The following ABCC4 variants were observed in gnomAD, a reference collection of about 807,000 sequenced individuals.
ABCC4 encodes the protein ATP binding cassette subfamily C member 4 (PEL blood group).
ABCC4 carries 102 observed loss-of-function variants against 168.5 expected under a neutral mutation model. The ratio of observed to expected loss-of-function variants is 0.61; its 90% CI spans 0.52 to 0.71. The LOEUF (loss-of-function observed/expected upper bound fraction) is 0.71. Among genes scored for constraint, ABCC4 ranks in the 30% least tolerant of loss-of-function variants. ABCC4 has a pLI of 0.00. For synonymous variants in ABCC4, 617 were observed against 590.7 expected, an observed-to-expected ratio of 1.04 and a Z score of -0.65; for missense variants, 1,402 against 1,605.8, an observed-to-expected ratio of 0.87 and a Z score of 2.17.
In ABCC4 at chr13:95,149,365, C is replaced by T. The variant is rs796932821; in HGVS notation, c.2455+11824G>A. On this transcript the variant is annotated intron_variant, in intron 19 of 30. Coordinates refer to ENST00000645237, the MANE Select transcript of ABCC4 (RefSeq NM_005845.5). Reference sequence around the variant, plus strand: ...AGAACTTATTAAACTATACTTGACTCCCTTTTCATTTTCATGCTAAGTAAT... The same window carrying T: ...AGAACTTATTAAACTATACTTGACTTCCTTTTCATTTTCATGCTAAGTAAT... 4.6e-5 allele frequency among the ~76,000 whole-genome samples: 7 copies of T among 152,216 alleles called. No homozygotes were observed. In the South Asian group the frequency reaches 1.5e-3, roughly 32 times the overall value.
chr13:95,179,696 A>G (rs940745990), intron 11 of ABCC4, among the ~76,000 whole-genome samples: 1 of 152,182 alleles, frequency 6.6e-6, no homozygotes, highest in African/African-American at 2.4e-5. Flanking sequence ...ACTGAGCTGC[A>G]TAAGCATCAA....
At chr13:95,217,754 C>CA (rs1441761127) in intron 4 of ABCC4, among the ~76,000 whole-genome samples, 4 of 152,014 alleles carry the variant, frequency 2.6e-5, no homozygotes, top group African/African-American at 9.7e-5. Context: ...ATAAATAAAA[C>CA]AAAAGATGCA....
At chr13:95,153,078 C>A (rs752581094) in intron 19 of ABCC4, among the ~76,000 whole-genome samples, 2 of 152,114 alleles carry the variant, frequency 1.3e-5, no homozygotes, top group African/African-American at 2.4e-5. Context: ...AATGGAATAT[C>A]ATTAGGTTAT....
At chr13:95,056,464 C>T (rs1024132538) in intron 26 of ABCC4, among the ~76,000 whole-genome samples, 2 of 152,078 alleles carry the variant, frequency 1.3e-5, no homozygotes, top group African/African-American at 2.4e-5. Flanking sequence ...GAATTTAAGT[C>T]GTGTAAAGTC....
chr13:95,071,903 A>G, intron 24 of ABCC4, 50 bp from the exon 25 acceptor site: 2 of 1,308,326 alleles, frequency 1.5e-6, no homozygotes, highest in African/African-American at 3.0e-5. Context: ...GGTGTCATTT[A>G]TGGATGTTAA....
intron 29 of ABCC4, among the ~76,000 whole-genome samples, chr13:95,040,827 C>T (rs1470563625): frequency 6.6e-6 from 1 of 152,192 alleles, no homozygotes; most frequent in Non-Finnish European, 1.5e-5. Flanking sequence ...GAAAGATATA[C>T]ATTATACACC....
intron 19 of ABCC4, among the ~76,000 whole-genome samples, chr13:95,148,608 A>G (rs1051324831): frequency 1.1e-4 from 16 of 150,394 alleles, no homozygotes; most frequent in African/African-American, 3.6e-4. Context: ...ACACACACAC[A>G]CACACACACA....
intron 1 of ABCC4, among the ~76,000 whole-genome samples, chr13:95,294,662 CAT>C (rs2138961905): frequency 6.6e-6 from 1 of 152,274 alleles, no homozygotes; most frequent in African/African-American, 2.4e-5. Flanking sequence ...GGGTAGAAAA[CAT>C]AGTCCAGGCT....
At chr13:95,164,641 G>C in intron 15 of ABCC4, 123 bp from the exon 16 acceptor site, 9 of 938,852 alleles carry the variant, frequency 9.6e-6, no homozygotes, top group African/African-American at 1.7e-5. Context: ...TCCATCTCCT[G>C]TGGAGAAGGG....
At chr13:95,155,212 CTTT>C (rs532277887) in intron 19 of ABCC4, among the ~76,000 whole-genome samples, 1 of 145,096 alleles carries the variant, frequency 6.9e-6, no homozygotes, top group Non-Finnish European at 1.5e-5. Flanking sequence ...AGGAATCATT[CTTT>C]TTTTTTTTTT....
chr13:95,075,606 C>T lies in ABCC4; in HGVS notation c.2687-55G>A, dbSNP rs141970501. 6.7e-5 allele frequency: 108 copies of T among 1,607,998 alleles called. No individual in the cohort carries two copies. The East Asian group carries it at 2.0e-3, about 30-fold the overall frequency. ...GTGAGGCTGGGTGCAGAAAAACCTGCGGCCTCCCAAGCTCCATGGTCACGT... is the reference window on the plus strand; with the variant it reads ...GTGAGGCTGGGTGCAGAAAAACCTGTGGCCTCCCAAGCTCCATGGTCACGT... On this transcript the variant is annotated intron_variant, in intron 21 of 30. Transcript: ENST00000645237.
chr13:95,224,143 T>A (rs1350702882), intron 4 of ABCC4, among the ~76,000 whole-genome samples: 1 of 142,872 alleles, frequency 7.0e-6, no homozygotes. Context: ...AAGTAAATTA[T>A]ACCTAGGATC....
At chr13:95,060,122 A>G (rs570199259) in intron 26 of ABCC4, among the ~76,000 whole-genome samples, 19 of 152,274 alleles carry the variant, frequency 1.2e-4, no homozygotes, top group Admixed American at 1.1e-3. Context: ...CTTTTTTTCA[A>G]CCAACATTGA....
At chr13:95,073,731 T>C (rs2033807946) in intron 23 of ABCC4, among the ~76,000 whole-genome samples, 2 of 152,192 alleles carry the variant, frequency 1.3e-5, no homozygotes, top group South Asian at 4.1e-4. Flanking sequence ...CCTTGTTCCA[T>C]TATTAAGTAT....
At chr13:95,049,857 T>C (rs2032755041) in intron 27 of ABCC4, among the ~76,000 whole-genome samples, 1 of 152,086 alleles carries the variant, frequency 6.6e-6, no homozygotes, top group African/African-American at 2.4e-5. Context: ...TTTTAAGTGG[T>C]TAAAGAGGAA....
chr13:95,117,738 G>A (rs1391822376), intron 19 of ABCC4, among the ~76,000 whole-genome samples: 1 of 150,802 alleles, frequency 6.6e-6, no homozygotes, highest in African/African-American at 2.4e-5. Context: ...AACATTGCAA[G>A]TATGGTTCAG....
intron 1 of ABCC4, among the ~76,000 whole-genome samples, chr13:95,299,306 TGAG>T (rs144829387): frequency 0.034 from 5,199 of 150,766 alleles, 294 homozygotes; most frequent in African/African-American, 0.12. Flanking sequence ...TGCCTGAAGT[TGAG>T]GAGACCATTT....
At chr13:95,039,660 G>C (rs1384568178) in intron 29 of ABCC4, among the ~76,000 whole-genome samples, 1 of 152,162 alleles carries the variant, frequency 6.6e-6, no homozygotes, top group Admixed American at 6.5e-5. Context: ...CAGTTACTCA[G>C]TTACATAAGC....
chr13:95,275,045 C>T (rs1450280984), intron 1 of ABCC4, among the ~76,000 whole-genome samples: 1 of 152,156 alleles, frequency 6.6e-6, no homozygotes, highest in Non-Finnish European at 1.5e-5. Context: ...CCACTGCACT[C>T]CAGCCTGGGC....
Sources: allele counts gnomAD v4.1 joint callset (sites outside exome capture counted in the v4.1 genomes callset), GRCh38; gene constraint gnomAD v4.1.1; transcripts MANE v1.5; gene names NCBI Gene and HGNC (gene_info 2026-07-23, HGNC 2026-07-21).